Variants in PGPEP1 observed in about 807,000 individuals in gnomAD.
The protein encoded by PGPEP1 is pyroglutamyl-peptidase 1.
In PGPEP1, 15 loss-of-function variants were observed where a neutral mutation model predicts 24.1. The observed-to-expected ratio is 0.62, with a 90% CI of 0.42 to 0.96. The LOEUF is 0.96. Ranked by LOEUF, PGPEP1 falls within the 40% of genes least tolerant of loss-of-function variation. The pLI, the probability that PGPEP1 is intolerant of heterozygous loss-of-function variation, is 0.00. For missense variants in PGPEP1, 242 were observed against 273.4 expected (o/e 0.89, Z 0.81); for synonymous variants, 122 against 116.4 (o/e 1.05, Z -0.31).
At chr19:18,347,508 G>A (rs1352813606) in intron 2 of PGPEP1, among the ~76,000 whole-genome samples, 2 of 150,926 alleles carry the variant, frequency 1.3e-5, no homozygotes, top group African/African-American at 4.9e-5. Flanking sequence ...ATCTCCGTGT[G>A]TCTCAGTTTC....
At chr19:18,346,032 G>C (rs1038046063) in intron 2 of PGPEP1, among the ~76,000 whole-genome samples, 9 of 149,762 alleles carry the variant, frequency 6.0e-5, no homozygotes, top group Non-Finnish European at 1.0e-4. Flanking sequence ...CCAAGGGCCA[G>C]GTCAAGATCT....
chr19:18,344,396 G>C (rs1043718885), intron 2 of PGPEP1, among the ~76,000 whole-genome samples: 1 of 152,090 alleles, frequency 6.6e-6, no homozygotes, highest in Admixed American at 6.6e-5. Flanking sequence ...GATCGGCAGA[G>C]ACCAGAGCCA....
At chr19:18,345,034 C>T (rs1346628936) in intron 2 of PGPEP1, among the ~76,000 whole-genome samples, 1 of 151,958 alleles carries the variant, frequency 6.6e-6, no homozygotes, top group Non-Finnish European at 1.5e-5. Context: ...CAGTTTCGTT[C>T]TTGTTGCCCA....
At chr19:18,359,496 C>A (rs888825926) in intron 4 of PGPEP1, among the ~76,000 whole-genome samples, 3 of 145,412 alleles carry the variant, frequency 2.1e-5, no homozygotes, top group Non-Finnish European at 4.5e-5. Flanking sequence ...TCTGGGAACA[C>A]CTCTTTCCAG....
chr19:18,341,796 G>A (rs1456669172), intron 1 of PGPEP1, among the ~76,000 whole-genome samples: 2 of 152,192 alleles, frequency 1.3e-5, no homozygotes, highest in Non-Finnish European at 2.9e-5. Flanking sequence ...TGGCTGTACA[G>A]AAGGATAGAG....
Position 18,363,383 on chromosome 19 carries a change from C to T in PGPEP1, c.438-8C>T, listed in dbSNP as rs143122653. On this transcript the variant is annotated splice_region_variant and splice_polypyrimidine_tract_variant and intron_variant, in intron 4 of 4. Transcript: ENST00000269919. ...TCTCTCTCTTACCCGCCACGCCCTG[C>T]GGCTTAGATATCTCTGCGACTTTAC... The T allele has an allele frequency of 5.8e-4, 928 of 1,598,310 alleles. 6 individuals are homozygous for T. The African/African-American group carries it at 0.01, about 18-fold the overall frequency.
At chr19:18,362,723 T>G in intron 4 of PGPEP1, among the ~76,000 whole-genome samples, 1 of 112,672 alleles carries the variant, frequency 8.9e-6, no homozygotes, top group Admixed American at 1.0e-4. Context: ...GCAGACTCTG[T>G]CTCAAAAAAA....
chr19:18,349,742 G>A (rs1196804546), intron 2 of PGPEP1, among the ~76,000 whole-genome samples: 2 of 152,092 alleles, frequency 1.3e-5, no homozygotes, highest in African/African-American at 2.4e-5. Flanking sequence ...GTCTCGCCAC[G>A]GGTCATGCCG....
chr19:18,340,651 A>T lies in PGPEP1; in HGVS notation c.-31A>T. 6.5e-7 allele frequency: 1 copy of T among 1,532,446 alleles called. No homozygotes were observed. The highest frequency in any genetic ancestry group is 8.7e-7 in the Non-Finnish European group (1 of 1,143,248). 94.9% of individuals were successfully genotyped at this position (1,532,446 alleles called of 1,614,324 possible). A position where few individuals can be genotyped will look rare whatever the true frequency, so the allele number is the denominator to read the frequency against. ...GCAGCTGTCGCGCCAGTCGCAACAG[A>T]AGCAGGTCCGAGGCACAGCCCGATC... On this transcript the variant is annotated 5_prime_UTR_variant, in exon 1 of 5. Coordinates refer to ENST00000269919, the MANE Select transcript of PGPEP1 (RefSeq NM_017712.4).
intron 2 of PGPEP1, among the ~76,000 whole-genome samples, chr19:18,350,465 C>A (rs1372093512): frequency 6.6e-6 from 1 of 152,240 alleles, no homozygotes; most frequent in Non-Finnish European, 1.5e-5. Flanking sequence ...GTGTAACGAT[C>A]TCTCTCAATA....
chr19:18,342,652 T>C (rs147718441), intron 1 of PGPEP1, among the ~76,000 whole-genome samples: 35 of 152,220 alleles, frequency 2.3e-4, no homozygotes, highest in Middle Eastern at 3.4e-3. Flanking sequence ...AAGGGACTCA[T>C]TGACTTCAGA....
At chr19:18,357,258 GA>G in intron 3 of PGPEP1, 124 bp from the exon 4 acceptor site, 1 of 654,726 alleles carries the variant, frequency 1.5e-6, no homozygotes. Flanking sequence ...CTAGCAGCAA[GA>G]GGTCAGAAAC....
chr19:18,352,320 C>T (rs1971056943), intron 2 of PGPEP1, among the ~76,000 whole-genome samples: 2 of 140,510 alleles, frequency 1.4e-5, no homozygotes, highest in Admixed American at 7.5e-5. Context: ...CTCGGGAGTA[C>T]TGTAATCCCA....
chr19:18,352,627 C>T (rs898256153), intron 2 of PGPEP1, among the ~76,000 whole-genome samples: 7 of 151,228 alleles, frequency 4.6e-5, no homozygotes, highest in East Asian at 2.0e-4. Flanking sequence ...AATCTGGGCT[C>T]GCACTGCAAC....
Position 18,369,857 on chromosome 19 carries a change from C to G in PGPEP1, c.*6274C>G, listed in dbSNP as rs572910549. 1 of 152,132 alleles carries G rather than the reference C, an allele frequency of 6.6e-6. No homozygotes were observed. The highest frequency in any genetic ancestry group is 2.4e-5 in the African/African-American group (1 of 41,434). The allele number at this position is 152,132 out of a possible 1,614,324, so 9.4% of individuals were successfully genotyped here. ...ACTCCTGTGTCCCGGGCCCCCCAGG[C>G]GGAGAAGGATATGCCGGATTCTGCC... is the stretch of plus-strand genomic sequence containing the variant. On this transcript the variant is annotated 3_prime_UTR_variant, in exon 5 of 5. Transcript: ENST00000269919.
At chr19:18,342,492 G>A (rs541172539) in intron 1 of PGPEP1, among the ~76,000 whole-genome samples, 5 of 152,216 alleles carry the variant, frequency 3.3e-5, no homozygotes, top group South Asian at 4.1e-4. Context: ...ATTTGGTGCC[G>A]ATTCAGGGCA....
chr19:18,344,590 C>CTT (rs35966838), intron 2 of PGPEP1, among the ~76,000 whole-genome samples: 31,411 of 140,746 alleles, frequency 0.22, 3,954 homozygotes, highest in Non-Finnish European at 0.27. Flanking sequence ...GGCTGTTTCC[C>CTT]TTTTTTTTTT....
Position 18,357,541 on chromosome 19 carries a change from C to T in PGPEP1, c.363C>T (p.Asp121=). 6.2e-7 allele frequency: 1 copy of T among 1,613,432 alleles called. No homozygotes were observed. The highest frequency in any genetic ancestry group is 8.5e-7 in the Non-Finnish European group (1 of 1,179,734). ...DGPESIDSII[D]MDAVCKRVTT... ...CTGAAAGCATTGACTCCATCATCGA[C>T]ATGGATGCTGTGTGCAAGCGAGTCA... The change falls in exon 4 of 5, where the codon GAC becomes GAT. Residue 121 remains aspartate, a synonymous_variant. Coordinates refer to ENST00000269919, the MANE Select transcript of PGPEP1 (RefSeq NM_017712.4).
intron 2 of PGPEP1, among the ~76,000 whole-genome samples, chr19:18,355,018 G>A (rs1971138779): frequency 6.9e-6 from 1 of 144,950 alleles, no homozygotes; most frequent in Non-Finnish European, 1.5e-5. Flanking sequence ...ACCCAGGCTG[G>A]AGTGCAGTGG....
Sources: gnomAD v4.1 joint callset for allele counts (sites outside exome capture counted in the v4.1 genomes callset) on GRCh38, gnomAD v4.1.1 for gene constraint, MANE v1.5 for transcripts, NCBI Gene and HGNC (gene_info 2026-07-23, HGNC 2026-07-21) for gene names.